CPA6: variants seen among roughly 807,000 people sequenced by gnomAD.
The protein encoded by CPA6 is carboxypeptidase A6.
In CPA6, 58 loss-of-function variants were observed where a neutral mutation model predicts 63.3. That is an observed-to-expected ratio of 0.92 (90% CI 0.74 to 1.14). The LOEUF is 1.14. Among genes scored for constraint, CPA6 ranks in the 50% most tolerant of loss-of-function variants. The probability of loss-of-function intolerance (pLI) is 0.00; values close to 1 mark genes in which losing one functional copy is unlikely to be tolerated. For synonymous variants in CPA6, 185 were observed against 179.0 expected, an observed-to-expected ratio of 1.03 and a Z score of -0.27; for missense variants, 565 against 526.6, an observed-to-expected ratio of 1.07 and a Z score of -0.71.
intron 1 of CPA6, among the ~76,000 whole-genome samples, chr8:67,741,630 C>A (rs1031416818): frequency 2.0e-5 from 3 of 152,102 alleles, no homozygotes; most frequent in African/African-American, 7.2e-5. Flanking sequence ...GGAGCGAGAA[C>A]CCTATTGTGA....
At chr8:67,552,850 A>G (rs1298841273) in intron 2 of CPA6, among the ~76,000 whole-genome samples, 2 of 151,852 alleles carry the variant, frequency 1.3e-5, no homozygotes, top group East Asian at 3.9e-4. Flanking sequence ...ACATTGTAAC[A>G]AAAAGAATAA....
At position 67,620,219 on chromosome 8, in the gene CPA6, C is replaced by T. The variant is rs191838663; in HGVS notation, c.192+3957G>A. ...CTTGAGACCAGCAGAAGCACTTCTC[C>T]GACCTCTTCTGTGAACAGCTAGAGG... On this transcript the variant is annotated intron_variant, in intron 2 of 10. Coordinates refer to ENST00000297770, the MANE Select transcript of CPA6 (RefSeq NM_020361.5). Among the ~76,000 whole-genome samples the T allele has an allele frequency of 2.1e-4, 32 of 152,266 alleles. No homozygotes were observed. The East Asian group carries it at 2.7e-3, about 13-fold the overall frequency.
intron 6 of CPA6, among the ~76,000 whole-genome samples, chr8:67,487,196 C>T (rs113967667): frequency 3.5e-4 from 53 of 152,174 alleles, no homozygotes; most frequent in African/African-American, 1.2e-3. Flanking sequence ...TAATGTTATC[C>T]CTTCCCCTGA....
At chr8:67,716,200 C>T (rs575652204) in intron 1 of CPA6, among the ~76,000 whole-genome samples, 2 of 144,376 alleles carry the variant, frequency 1.4e-5, no homozygotes, top group African/African-American at 5.3e-5. Flanking sequence ...GTGTCAGAGG[C>T]GTTTGAGTCA....
Position 67,518,005 on chromosome 8 carries a change from C to T in CPA6, c.235G>A (p.Gly79Arg). The T allele has an allele frequency of 6.2e-7, 1 of 1,612,644 alleles. No homozygotes were observed. The highest frequency in any genetic ancestry group is 8.5e-7 in the Non-Finnish European group (1 of 1,179,502). The change falls in exon 3 of 11, where the codon GGA becomes AGA. Residue 79 changes from glycine to arginine, a missense_variant. Coordinates refer to ENST00000297770, the MANE Select transcript of CPA6 (RefSeq NM_020361.5). ...QPSSISYVSEGTVTDVHIPQN... is the reference protein window; with the variant it reads ...QPSSISYVSERTVTDVHIPQN... Reference sequence around the variant, plus strand: ...GGGATATGGACATCAGTAACTGTTCCCTCTGATACATAGGAGATACTGCTG... The same window carrying T: ...GGGATATGGACATCAGTAACTGTTCTCTCTGATACATAGGAGATACTGCTG...
intron 2 of CPA6, among the ~76,000 whole-genome samples, chr8:67,534,921 T>C (rs1483952931): frequency 6.8e-6 from 1 of 146,008 alleles, no homozygotes; most frequent in Non-Finnish European, 1.5e-5. Context: ...CTTGTGCCCA[T>C]ATGCTTTCAT....
chr8:67,546,032 C>T (rs10957391), intron 2 of CPA6, among the ~76,000 whole-genome samples: 79,999 of 152,024 alleles, frequency 0.53, 25,032 homozygotes, highest in East Asian at 0.71. Context: ...CTGCCTCCAT[C>T]CCCTGGCAGG....
intron 1 of CPA6, among the ~76,000 whole-genome samples, chr8:67,681,374 T>C (rs1401870582): frequency 6.7e-6 from 1 of 148,898 alleles, no homozygotes; most frequent in African/African-American, 2.5e-5. Context: ...CGTGCCCGGC[T>C]AATTTTTTGT....
intron 2 of CPA6, among the ~76,000 whole-genome samples, chr8:67,556,789 C>T (rs1269323013): frequency 6.6e-6 from 1 of 152,218 alleles, no homozygotes; most frequent in Non-Finnish European, 1.5e-5. Context: ...TTCCTTTAGC[C>T]CAAAACACAG....
chr8:67,571,169 G>A (rs538781133), intron 2 of CPA6, among the ~76,000 whole-genome samples: 2 of 152,278 alleles, frequency 1.3e-5, no homozygotes, highest in African/African-American at 4.8e-5. Flanking sequence ...ATAAACACAT[G>A]TGCACTCCAC....
intron 2 of CPA6, among the ~76,000 whole-genome samples, chr8:67,607,188 T>C (rs1814674595): frequency 2.4e-5 from 1 of 42,330 alleles, no homozygotes; most frequent in Non-Finnish European, 4.6e-5. Flanking sequence ...TTCTTCTTCT[T>C]CTTCTTCTTC....
At chr8:67,494,605 G>C (rs998592459) in intron 6 of CPA6, among the ~76,000 whole-genome samples, 1 of 152,092 alleles carries the variant, frequency 6.6e-6, no homozygotes, top group East Asian at 1.9e-4. Flanking sequence ...TGAAGCAAAT[G>C]CTATTCCATC....
chr8:67,616,384 G>A (rs1335502336), intron 2 of CPA6, among the ~76,000 whole-genome samples: 1 of 152,106 alleles, frequency 6.6e-6, no homozygotes, highest in Non-Finnish European at 1.5e-5. Context: ...ACACTGGGGA[G>A]GCTGGTGCAG....
At chr8:67,506,099 G>C (rs548323714) in intron 6 of CPA6, among the ~76,000 whole-genome samples, 2 of 151,724 alleles carry the variant, frequency 1.3e-5, no homozygotes, top group South Asian at 4.2e-4. Flanking sequence ...TCTTGACAAT[G>C]AATAGAAAAG....
chr8:67,533,182 C>T (rs1004268239), intron 2 of CPA6, among the ~76,000 whole-genome samples: 1 of 152,190 alleles, frequency 6.6e-6, no homozygotes, highest in African/African-American at 2.4e-5. Flanking sequence ...ATTTTGCCCT[C>T]ACAATCTCAC....
At chr8:67,667,945 T>C (rs1177563890) in intron 1 of CPA6, among the ~76,000 whole-genome samples, 1 of 152,194 alleles carries the variant, frequency 6.6e-6, no homozygotes, top group Non-Finnish European at 1.5e-5. Flanking sequence ...CCAACATGTC[T>C]AGCCAGCAGT....
At chr8:67,645,290 C>G (rs940432730) in intron 1 of CPA6, among the ~76,000 whole-genome samples, 1 of 152,172 alleles carries the variant, frequency 6.6e-6, no homozygotes, top group Non-Finnish European at 1.5e-5. Flanking sequence ...TAATTTATAT[C>G]TAACAACCTC....
chr8:67,474,261 G>T (rs189944891), intron 8 of CPA6, among the ~76,000 whole-genome samples: 1 of 151,810 alleles, frequency 6.6e-6, no homozygotes, highest in African/African-American at 2.4e-5. Flanking sequence ...TTGCTCTGTC[G>T]CCCAGACTTG....
chr8:67,744,822 T>A (rs892041651), intron 1 of CPA6, among the ~76,000 whole-genome samples: 1 of 152,124 alleles, frequency 6.6e-6, no homozygotes, highest in Non-Finnish European at 1.5e-5. Flanking sequence ...CCAGAAATAC[T>A]GGGGTGGAAA....
Sources: allele counts gnomAD v4.1 joint callset (sites outside exome capture counted in the v4.1 genomes callset), GRCh38; gene constraint gnomAD v4.1.1; transcripts MANE v1.5; gene names NCBI Gene and HGNC (gene_info 2026-07-23, HGNC 2026-07-21).